Variants in MCPH1 observed in about 807,000 individuals in gnomAD.
The protein encoded by MCPH1 is microcephalin.
Under a neutral mutation model 84.5 loss-of-function variants are expected in MCPH1, and 104 were observed. The observed-to-expected ratio is 1.23, with a 90% CI of 1.05 to 1.45. MCPH1 has a LOEUF of 1.45. Among genes scored for constraint, MCPH1 ranks in the 40% most tolerant of loss-of-function variants. The pLI is 0.00. For synonymous variants in MCPH1, 514 were observed against 366.8 expected (o/e 1.40, Z -4.58); for missense variants, 1,498 against 1,005.7 (o/e 1.49, Z -6.62).
intron 8 of MCPH1, chr8:6,446,478 C>T: frequency 1.0e-6 from 1 of 984,958 alleles, no homozygotes. Flanking sequence ...AAAATTGTTT[C>T]ACAAAAAGAA....
At chr8:6,590,010 C>T (rs1419610324) in intron 12 of MCPH1, among the ~76,000 whole-genome samples, 2 of 152,156 alleles carry the variant, frequency 1.3e-5, no homozygotes, top group Non-Finnish European at 2.9e-5. Flanking sequence ...AACGATCTTG[C>T]TGTGTTGCAT....
chr8:6,467,474 TTTG>T (rs1807126243), intron 9 of MCPH1, among the ~76,000 whole-genome samples: 1 of 152,240 alleles, frequency 6.6e-6, no homozygotes, highest in Non-Finnish European at 1.5e-5. Flanking sequence ...TTGTCCTTTT[TTTG>T]TTTTTAGTAT....
chr8:6,505,272 G>A lies in MCPH1; in HGVS notation c.2214+5343G>A, dbSNP rs373564510. 6.5e-3 allele frequency among the ~76,000 whole-genome samples: 142 copies of A among 21,808 alleles called. 12 individuals carry two copies. Among genetic ancestry groups the A allele is most frequent in the East Asian group, 0.016 (7 of 432 alleles). The allele number at this position is 21,808 out of a possible 152,430, so 14.3% of individuals were successfully genotyped here. A position where few individuals can be genotyped will look rare whatever the true frequency, so the allele number is the denominator to read the frequency against. On this transcript the variant is annotated intron_variant, in intron 12 of 13. Coordinates refer to ENST00000344683, the MANE Select transcript of MCPH1 (RefSeq NM_024596.5). The stretch of plus-strand genomic sequence containing the variant: ...TTCTTTATATATGTTTTATATATAT[G>A]TATACATATATATGTTATATACATA...
chr8:6,531,138 C>T (rs1326335962), intron 12 of MCPH1, among the ~76,000 whole-genome samples: 1 of 151,954 alleles, frequency 6.6e-6, no homozygotes, highest in East Asian at 1.9e-4. Context: ...GGAGCGTCTG[C>T]ATTTGTACTG....
At position 6,445,448 on chromosome 8, in the gene MCPH1, G is replaced by A; in HGVS notation, c.1726G>A (p.Gly576Ser). 6.2e-7 allele frequency: 1 copy of A among 1,614,224 alleles called. No homozygotes were observed. Among genetic ancestry groups the A allele is most frequent in the Non-Finnish European group, 8.5e-7 (1 of 1,180,050 alleles). Residue 576 changes from glycine (G) to serine (S), a missense_variant, in exon 8 of 14, where the codon GGC becomes AGC. Physicochemically the swap from Gly to Ser is moderately conservative, Grantham distance 56 (BLOSUM62 0). Transcript: ENST00000344683. ...TTSKISNSSEGEAQSEHEPCF... is the reference protein window; with the variant it reads ...TTSKISNSSESEAQSEHEPCF... The stretch of plus-strand genomic sequence containing the variant: ...TTCCAAAATATCAAACTCCTCTGAA[G>A]GCGAAGCCCAGAGTGAACATGAGCC...
intron 13 of MCPH1, among the ~76,000 whole-genome samples, chr8:6,640,523 A>C (rs1383202074): frequency 6.6e-6 from 1 of 152,108 alleles, no homozygotes; most frequent in Non-Finnish European, 1.5e-5. Flanking sequence ...CTGATCCCTT[A>C]ACTGTTTTGA....
intron 3 of MCPH1, among the ~76,000 whole-genome samples, chr8:6,427,676 G>A (rs932779766): frequency 3.3e-5 from 5 of 152,008 alleles, no homozygotes; most frequent in Non-Finnish European, 7.4e-5. Flanking sequence ...TATTGCACCC[G>A]GCTCCTCCCA....
chr8:6,531,270 C>G (rs1476665546), intron 12 of MCPH1, among the ~76,000 whole-genome samples: 1 of 150,758 alleles, frequency 6.6e-6, no homozygotes, highest in African/African-American at 2.4e-5. Flanking sequence ...TGTTATTTTA[C>G]TAGTTTCTTT....
intron 13 of MCPH1, chr8:6,626,321 T>G: frequency 3.0e-6 from 3 of 985,362 alleles, no homozygotes; most frequent in Non-Finnish European, 3.6e-6. Flanking sequence ...CCGCGTTGCC[T>G]AATAACGGGG....
At chr8:6,414,194 G>A (rs974028438) in intron 2 of MCPH1, among the ~76,000 whole-genome samples, 1 of 152,192 alleles carries the variant, frequency 6.6e-6, no homozygotes, top group African/African-American at 2.4e-5. Context: ...TTTTAGTAGA[G>A]ACAAGGTTTC....
intron 12 of MCPH1, among the ~76,000 whole-genome samples, chr8:6,533,143 CTT>C (rs746132400): frequency 6.6e-6 from 1 of 152,184 alleles, no homozygotes; most frequent in Non-Finnish European, 1.5e-5. Flanking sequence ...ATCAAGCAAA[CTT>C]TTAATCGCAC....
chr8:6,512,011 T>G lies in MCPH1; in HGVS notation c.2214+12082T>G, dbSNP rs1239314461. On this transcript the variant is annotated intron_variant, in intron 12 of 13. Transcript: ENST00000344683. ...CAACCACTTGTGTCTCAAAATTCAT[T>G]GAAGTTTTGATCTCTTTGGAGTCAA... Among the ~76,000 whole-genome samples the G allele has an allele frequency of 3.9e-5, 6 of 152,178 alleles. No homozygotes were observed. In the South Asian group the frequency reaches 1.2e-3, roughly 32 times the overall value.
intron 12 of MCPH1, among the ~76,000 whole-genome samples, chr8:6,588,549 C>A (rs1203936311): frequency 6.6e-6 from 1 of 152,198 alleles, no homozygotes; most frequent in Non-Finnish European, 1.5e-5. Context: ...CAGCCGGGCT[C>A]CTGGAGTGGC....
At chr8:6,581,543 C>T (rs147758937) in intron 12 of MCPH1, among the ~76,000 whole-genome samples, 8 of 152,154 alleles carry the variant, frequency 5.3e-5, no homozygotes, top group African/African-American at 1.7e-4. Flanking sequence ...TCATGTAATA[C>T]AGAACAATAT....
chr8:6,532,466 T>G, intron 12 of MCPH1: 1 of 1,613,652 alleles, frequency 6.2e-7, no homozygotes, highest in South Asian at 1.1e-5. Context: ...TTCTTCATGT[T>G]GTCCTGGATA....
intron 7 of MCPH1, 51 bp from the exon 8 acceptor site, chr8:6,444,342 A>G: frequency 1.2e-6 from 2 of 1,608,482 alleles, no homozygotes; most frequent in South Asian, 1.1e-5. Flanking sequence ...AGTTGAATAT[A>G]GAATAATTTA....
At chr8:6,431,474 A>C (rs1801826569) in intron 3 of MCPH1, 25 bp from the exon 4 acceptor site, 1 of 1,573,854 alleles carries the variant, frequency 6.4e-7, no homozygotes, top group East Asian at 2.2e-5. Flanking sequence ...AATACTCATT[A>C]GACTACCTTA....
intron 12 of MCPH1, among the ~76,000 whole-genome samples, chr8:6,573,349 C>T (rs1431874498): frequency 6.6e-6 from 1 of 152,036 alleles, no homozygotes; most frequent in African/African-American, 2.4e-5. Context: ...AGAATATTAA[C>T]ATCAGGCTCA....
chr8:6,533,579 T>TC (rs1208145953), intron 12 of MCPH1, among the ~76,000 whole-genome samples: 4 of 124,692 alleles, frequency 3.2e-5, no homozygotes, highest in Admixed American at 3.0e-4. Context: ...CTTTTTTTTT[T>TC]TTTTTTTTTT....
Sources: gnomAD v4.1 joint callset for allele counts (sites outside exome capture counted in the v4.1 genomes callset) on GRCh38, gnomAD v4.1.1 for gene constraint, MANE v1.5 for transcripts, NCBI Gene and HGNC (gene_info 2026-07-23, HGNC 2026-07-21) for gene names.